NUP210L: variants seen among roughly 807,000 people sequenced by gnomAD.
NUP210L encodes nuclear pore membrane glycoprotein 210-like.
A neutral mutation model predicts 208.5 loss-of-function variants in NUP210L; 74 were observed. That is an observed-to-expected ratio of 0.35 (90% CI 0.29 to 0.43). The LOEUF is 0.43. Ranked by LOEUF, NUP210L falls within the 20% of genes least tolerant of loss-of-function variation. The probability of loss-of-function intolerance (pLI) is 1.00; values close to 1 mark genes in which losing one functional copy is unlikely to be tolerated. For synonymous variants in NUP210L, 780 were observed against 816.9 expected (o/e 0.95, Z 0.77); for missense variants, 1,843 against 2,289.4 (o/e 0.81, Z 3.98).
chr1:154,070,421 C>T (rs929339100), exon 17 of NUP210L: 2 of 1,612,418 alleles, frequency 1.2e-6, no homozygotes, highest in Non-Finnish European at 1.7e-6. Flanking sequence ...GTTGATCAAA[C>T]ACTGCTAGTT....
chr1:154,118,784 A>T (rs2148099657), exon 11 of NUP210L: 3 of 1,582,856 alleles, frequency 1.9e-6, no homozygotes, highest in Non-Finnish European at 1.7e-6. Flanking sequence ...TTGATTAGAA[A>T]TTTTATAGGC....
At chr1:154,022,364 T>C in intron 31 of NUP210L, 21 bp from the exon 32 acceptor site, 1 of 1,588,430 alleles carries the variant, frequency 6.3e-7, no homozygotes, top group Non-Finnish European at 8.6e-7. Flanking sequence ...ACATTAAAGG[T>C]AGAAATCTTT....
intron 16 of NUP210L, among the ~76,000 whole-genome samples, chr1:154,083,872 G>A (rs1442247616): frequency 6.6e-6 from 1 of 151,824 alleles, no homozygotes; most frequent in Non-Finnish European, 1.5e-5. Flanking sequence ...AAGGGTGGGG[G>A]ATGAGGAACC....
chr1:154,035,330 TGG>T (rs1652472092), intron 27 of NUP210L, among the ~76,000 whole-genome samples: 1 of 152,104 alleles, frequency 6.6e-6, no homozygotes, highest in South Asian at 2.1e-4. Flanking sequence ...CTACTAATTC[TGG>T]GTATGGTTTG....
At chr1:154,019,608 A>G (rs542638636) in intron 32 of NUP210L, among the ~76,000 whole-genome samples, 17 of 152,094 alleles carry the variant, frequency 1.1e-4, no homozygotes, top group Non-Finnish European at 2.2e-4. Flanking sequence ...CTATGGGACA[A>G]TCCTGTCAAA....
At chr1:154,043,455 C>A (rs1653002252) in intron 27 of NUP210L, among the ~76,000 whole-genome samples, 1 of 152,018 alleles carries the variant, frequency 6.6e-6, no homozygotes, top group African/African-American at 2.4e-5. Flanking sequence ...GCTGGGATTA[C>A]AGGCATGCGC....
At chr1:154,128,359 G>A (rs965154136) in intron 8 of NUP210L, among the ~76,000 whole-genome samples, 1 of 151,670 alleles carries the variant, frequency 6.6e-6, no homozygotes, top group Non-Finnish European at 1.5e-5. Flanking sequence ...GGTGGCTCGC[G>A]GCTATAGTTC....
rs1265110820 is a variant in NUP210L, at chr1:154,089,608, A to G, written c.2188-14T>C. 1 of 1,611,336 alleles carries G rather than the reference A, an allele frequency of 6.2e-7. No homozygotes were observed. Among genetic ancestry groups the G allele is most frequent in the Non-Finnish European group, 8.5e-7 (1 of 1,177,778 alleles). On this transcript the variant is annotated splice_polypyrimidine_tract_variant and intron_variant, in intron 15 of 39. Coordinates refer to ENST00000368559, the Ensembl canonical transcript of NUP210L. ...GAATGTGAGAACCTTTAAGGAAGTC[A>G]CAGAGCAAGAGATAATTGTGGGTAG...
intron 25 of NUP210L, among the ~76,000 whole-genome samples, chr1:154,051,006 T>A (rs1653457468): frequency 6.6e-6 from 1 of 152,208 alleles, no homozygotes; most frequent in Non-Finnish European, 1.5e-5. Flanking sequence ...TTCTACACAG[T>A]TAGTTGAAAA....
At chr1:153,994,369 C>CAGTG (rs1649697654) in intron 38 of NUP210L, among the ~76,000 whole-genome samples, 1 of 151,990 alleles carries the variant, frequency 6.6e-6, no homozygotes, top group Admixed American at 6.6e-5. Context: ...GGCTGAAGTG[C>CAGTG]AGTGGCACGA....
At chr1:153,995,268 CAG>C (rs1557900193) in intron 37 of NUP210L, 88 bp from the exon 38 acceptor site, 17 of 916,542 alleles carry the variant, frequency 1.9e-5, no homozygotes, top group East Asian at 8.0e-5. Flanking sequence ...TTTTTTGAGA[CAG>C]AGTTTTACTC....
intron 10 of NUP210L, 38 bp downstream of exon 10, chr1:154,126,285 T>C: frequency 6.3e-7 from 1 of 1,579,548 alleles, no homozygotes; most frequent in Non-Finnish European, 8.6e-7. Context: ...GCCTCTTCAG[T>C]GTTCTTAGAA....
intron 10 of NUP210L, among the ~76,000 whole-genome samples, chr1:154,123,270 C>T (rs1166267509): frequency 6.6e-6 from 1 of 152,002 alleles, no homozygotes. Context: ...CTCAGCCTCC[C>T]GAGTATCCGG....
At chr1:154,083,936 T>C (rs559611005) in intron 16 of NUP210L, among the ~76,000 whole-genome samples, 315 of 152,064 alleles carry the variant, frequency 2.1e-3, no homozygotes, top group Middle Eastern at 6.8e-3. Context: ...GCAGCTGTGC[T>C]GTGTTCAGTT....
At chr1:154,022,751 C>T (rs1651638919) in intron 31 of NUP210L, among the ~76,000 whole-genome samples, 1 of 148,682 alleles carries the variant, frequency 6.7e-6, no homozygotes, top group African/African-American at 2.5e-5. Context: ...AATCTCTGCT[C>T]ACTGCAACCT....
chr1:154,094,833 T>C, intron 15 of NUP210L, 102 bp downstream of exon 15: 1 of 804,262 alleles, frequency 1.2e-6, no homozygotes, highest in East Asian at 2.6e-5. Flanking sequence ...TCCTATTTAG[T>C]CCATAAACTA....
intron 9 of NUP210L, among the ~76,000 whole-genome samples, chr1:154,126,809 A>C (rs1658003513): frequency 1.3e-5 from 2 of 151,948 alleles, no homozygotes; most frequent in Admixed American, 1.3e-4. Flanking sequence ...TCATATTACT[A>C]CTCTCACCAC....
intron 5 of NUP210L, among the ~76,000 whole-genome samples, chr1:154,139,196 C>A (rs529387683): frequency 4.6e-5 from 7 of 151,902 alleles, no homozygotes; most frequent in Non-Finnish European, 7.4e-5. Context: ...TGAAACCCCC[C>A]CACCCCAAAA....
intron 33 of NUP210L, among the ~76,000 whole-genome samples, chr1:154,014,161 C>G (rs11264865): frequency 0.28 from 42,146 of 152,048 alleles, 6,279 homozygotes; most frequent in Admixed American, 0.39. Flanking sequence ...AAGTTAGTTA[C>G]ATTAATGGCT....
Sources: allele counts gnomAD v4.1 joint callset (sites outside exome capture counted in the v4.1 genomes callset), GRCh38; gene constraint gnomAD v4.1.1; transcripts MANE v1.5; gene names NCBI Gene and HGNC (gene_info 2026-07-23, HGNC 2026-07-21).